Variants in C6orf89 observed in about 807,000 individuals in gnomAD.
C6orf89 encodes the protein bombesin receptor-activated protein C6orf89.
A neutral mutation model predicts 40.7 loss-of-function variants in C6orf89; 29 were observed. That is an observed-to-expected ratio of 0.71 (90% CI 0.53 to 0.97). The LOEUF is 0.97. Among genes scored for constraint, C6orf89 ranks in the 50% least tolerant of loss-of-function variants. The pLI is 0.00. For missense variants in C6orf89, 392 were observed against 429.1 expected, an observed-to-expected ratio of 0.91 and a Z score of 0.76; for synonymous variants, 165 against 152.2, an observed-to-expected ratio of 1.08 and a Z score of -0.62.
At chr6:36,897,156 AGAAAG>A (rs1761466763) in intron 2 of C6orf89, among the ~76,000 whole-genome samples, 1 of 150,912 alleles carries the variant, frequency 6.6e-6, no homozygotes, top group African/African-American at 2.4e-5. Flanking sequence ...AAAAAAGAAA[AGAAAG>A]AAAGGTCCAA....
intron 4 of C6orf89, among the ~76,000 whole-genome samples, chr6:36,903,078 A>C (rs1351330962): frequency 2.0e-5 from 3 of 152,182 alleles, no homozygotes; most frequent in African/African-American, 7.2e-5. Flanking sequence ...GTTAACATGT[A>C]ATAAGAGTTG....
intron 2 of C6orf89, among the ~76,000 whole-genome samples, chr6:36,880,480 T>C (rs1774778102): frequency 6.6e-6 from 1 of 151,910 alleles, no homozygotes; most frequent in African/African-American, 2.4e-5. Flanking sequence ...ATTAATTGGC[T>C]TAAACAAAAA....
chr6:36,904,506 G>A (rs966732170), intron 4 of C6orf89, among the ~76,000 whole-genome samples: 1 of 152,174 alleles, frequency 6.6e-6, no homozygotes, highest in African/African-American at 2.4e-5. Context: ...CTGGGAAGCT[G>A]TAGACATGTG....
At chr6:36,896,126 G>C (rs796782331) in intron 2 of C6orf89, among the ~76,000 whole-genome samples, 3 of 152,032 alleles carry the variant, frequency 2.0e-5, no homozygotes, top group African/African-American at 7.2e-5. Context: ...ATCTTTTTTT[G>C]AGATGGAGTC....
At chr6:36,920,223 C>A (rs756914476) in intron 8 of C6orf89, among the ~76,000 whole-genome samples, 2 of 152,202 alleles carry the variant, frequency 1.3e-5, no homozygotes, top group Non-Finnish European at 2.9e-5. Context: ...GCTGCCACAG[C>A]CAAGTCACAG....
intron 8 of C6orf89, among the ~76,000 whole-genome samples, chr6:36,921,933 T>C (rs57023725): frequency 0.023 from 3,461 of 151,662 alleles, 103 homozygotes; most frequent in African/African-American, 0.075. Context: ...GAAGCTGAGT[T>C]GGGAGGATCT....
At chr6:36,884,007 A>C (rs1774894418), upstream of C6orf89, among the ~76,000 whole-genome samples, 1 of 152,226 alleles carries the variant, frequency 6.6e-6, no homozygotes, top group African/African-American at 2.4e-5. The surrounding 1 kb of genome is among the most constrained non-coding windows in gnomAD (Gnocchi z 4.0). Flanking sequence ...GACACCCGTA[A>C]CCTCAGCACT....
chr6:36,903,407 A>AGAATGTGTCTTAAC (rs1761799300), intron 4 of C6orf89, among the ~76,000 whole-genome samples: 1 of 152,068 alleles, frequency 6.6e-6, no homozygotes, highest in South Asian at 2.1e-4. Context: ...TGTGTCTTAA[A>AGAATGTGTCTTAAC]TTTTAGGAAA....
chr6:36,875,155 GA>G (rs1412595079), intron 1 of C6orf89: 2 of 242,012 alleles, frequency 8.3e-6, no homozygotes, highest in Non-Finnish European at 1.6e-5. Flanking sequence ...ATTGGGCAGG[GA>G]CGGGAAGGGG....
chr6:36,888,910 G>A (rs1318485394), intron 1 of C6orf89, among the ~76,000 whole-genome samples: 1 of 152,172 alleles, frequency 6.6e-6, no homozygotes, highest in Non-Finnish European at 1.5e-5. Flanking sequence ...AAGAGGTGCA[G>A]TGGGAGGAAT....
chr6:36,919,578 A>G lies in C6orf89; in HGVS notation c.826A>G (p.Met276Val). ...CTCCCCTCCTCATTCTTTCCTCCAG[A>G]TGCATAAGATGCCTGACCTATTTAT... ...LHPEPVVGSK[M>V]HKMPDLFIIG... Residue 276 changes from methionine (M) to valine (V), a missense_variant and splice_region_variant, in exon 8 of 9, where the codon ATG becomes GTG. Transcript: ENST00000480824. The G allele has an allele frequency of 6.2e-7, 1 of 1,612,618 alleles. No homozygotes were observed. Among genetic ancestry groups the G allele is most frequent in the Non-Finnish European group, 8.5e-7 (1 of 1,179,046 alleles).
rs1377380983 is a variant in C6orf89 at position 36,914,326 on chromosome 6, C to G, written c.446C>G (p.Ser149Ter). 6.2e-7 allele frequency: 1 copy of G among 1,614,164 alleles called. No individual in the cohort carries two copies. Among genetic ancestry groups the G allele is most frequent in the Non-Finnish European group, 8.5e-7 (1 of 1,180,038 alleles). ...WWTNDCEQNE[S>*]EPIPANCTGC... ...ACAAACGACTGTGAGCAGAATGAGTCAGAGCCCATTCCTGCCAACTGCACT... is the reference window on the plus strand; with the variant it reads ...ACAAACGACTGTGAGCAGAATGAGTGAGAGCCCATTCCTGCCAACTGCACT... Residue 149 changes from serine to a stop codon, truncating the protein, a stop_gained, in exon 5 of 9, where the codon TCA becomes TGA. Coordinates refer to ENST00000480824, the MANE Select transcript of C6orf89 (RefSeq NM_001286635.2). LOFTEE classifies it high-confidence loss of function.
chr6:36,890,529 T>TA (rs202199011), intron 1 of C6orf89, among the ~76,000 whole-genome samples: 45 of 142,782 alleles, frequency 3.2e-4, no homozygotes, highest in East Asian at 4.3e-4. Context: ...ATACTACATT[T>TA]AAAAAAAAAA....
chr6:36,877,455 C>T (rs1045473071), intron 1 of C6orf89, among the ~76,000 whole-genome samples: 2 of 152,112 alleles, frequency 1.3e-5, no homozygotes, highest in African/African-American at 4.8e-5. Flanking sequence ...CTCAGCCTCC[C>T]GAGTAGCTGG....
chr6:36,890,234 G>A (rs1761145424), intron 1 of C6orf89, among the ~76,000 whole-genome samples: 1 of 152,148 alleles, frequency 6.6e-6, no homozygotes, highest in Admixed American at 6.5e-5. Flanking sequence ...GTGCTGTATA[G>A]TAGGTCTCTA....
chr6:36,875,526 T>A (rs1472884473), intron 1 of C6orf89, among the ~76,000 whole-genome samples: 1 of 152,238 alleles, frequency 6.6e-6, no homozygotes, highest in Admixed American at 6.5e-5. Context: ...AGATGGTACC[T>A]GAAAGTTGTT....
intron 1 of C6orf89, among the ~76,000 whole-genome samples, chr6:36,892,481 A>G (rs1029074230): frequency 1.3e-5 from 2 of 152,182 alleles, no homozygotes; most frequent in African/African-American, 4.8e-5. Context: ...AGCTGGAACT[A>G]TAGGCATGTG....
upstream of C6orf89, among the ~76,000 whole-genome samples, chr6:36,884,702 T>C (rs1432075609): frequency 6.6e-6 from 1 of 151,738 alleles, no homozygotes; most frequent in Admixed American, 6.6e-5. This position sits in a 1 kb window ranked among gnomAD's most constrained non-coding sequence, Gnocchi z 4.0. Flanking sequence ...AAGTGAGGAA[T>C]TTTTTTTTAA....
At chr6:36,874,531 C>A (rs1774595054) in intron 1 of C6orf89, among the ~76,000 whole-genome samples, 1 of 152,206 alleles carries the variant, frequency 6.6e-6, no homozygotes, top group Admixed American at 6.5e-5. Flanking sequence ...AGCACAAGAC[C>A]CCGCGGAGCT....
Sources: allele counts gnomAD v4.1 joint callset (sites outside exome capture counted in the v4.1 genomes callset), GRCh38; gene constraint gnomAD v4.1.1; non-coding constraint Gnocchi (gnomAD v3.1); transcripts MANE v1.5; gene names NCBI Gene and HGNC (gene_info 2026-07-23, HGNC 2026-07-21).